The following CADM2 variants were observed in gnomAD, a reference collection of about 807,000 sequenced individuals.
CADM2 encodes cell adhesion molecule 2.
CADM2 carries 12 observed loss-of-function variants against 49.8 expected under a neutral mutation model. The observed-to-expected ratio is 0.24, with a 90% CI of 0.15 to 0.39. The LOEUF is 0.39. Among genes scored for constraint, CADM2 ranks in the 10% least tolerant of loss-of-function variants. The pLI is 1.00. For missense variants in CADM2, 378 were observed against 492.3 expected (o/e 0.77, Z 2.20); for synonymous variants, 214 against 175.4 (o/e 1.22, Z -1.74).
chr3:86,019,483 C>T (rs1213860061), intron 8 of CADM2, among the ~76,000 whole-genome samples: 1 of 150,830 alleles, frequency 6.6e-6, no homozygotes, highest in Non-Finnish European at 1.5e-5. Flanking sequence ...TGGCCATTTT[C>T]ACGATATTGA....
In CADM2 at chr3:85,907,915, A is replaced by G. The variant is rs180984903; in HGVS notation, c.530-4458A>G. Among the ~76,000 whole-genome samples, 6 of 152,002 alleles carry G rather than the reference A, an allele frequency of 3.9e-5. No homozygotes were observed. In the East Asian group the frequency reaches 7.8e-4, roughly 20 times the overall value. On this transcript the variant is annotated intron_variant, in intron 5 of 9. Coordinates refer to ENST00000383699, the MANE Select transcript of CADM2 (RefSeq NM_001167675.2). ...GACAGAATGAGACTCTGTCTCAAAA[A>G]AAAAAAAAAAGAAGATATCTTCTTT...
At chr3:85,111,233 T>C (rs192478212) in intron 1 of CADM2, among the ~76,000 whole-genome samples, 1 of 152,012 alleles carries the variant, frequency 6.6e-6, no homozygotes, top group East Asian at 1.9e-4. Context: ...TGAGAGAGAA[T>C]ATGATCCAAA....
rs1156719808 is a variant in CADM2 at position 86,068,530 on chromosome 3, G to A, written c.*1747G>A. The A allele has an allele frequency of 6.6e-6, 1 of 151,910 alleles. No homozygotes were observed. Among genetic ancestry groups the A allele is most frequent in the Non-Finnish European group, 1.5e-5 (1 of 67,848 alleles). 9.4% of individuals were successfully genotyped at this position (151,910 alleles called of 1,614,324 possible). ...AATATATTTTTGGGTAATAAGAATG[G>A]TTGAGTGCAACATCATGTATTAATA... On this transcript the variant is annotated 3_prime_UTR_variant, in exon 10 of 10. Transcript: ENST00000383699.
chr3:85,746,249 A>G (rs1199180801), intron 2 of CADM2, among the ~76,000 whole-genome samples: 1 of 152,162 alleles, frequency 6.6e-6, no homozygotes, highest in Non-Finnish European at 1.5e-5. Context: ...CATTGCAGCT[A>G]TGCAAGATTC....
chr3:85,836,829 G>A lies in CADM2; in HGVS notation c.238+34633G>A, dbSNP rs377735024. ...TATATATTTAAAGATTTTGATACGA[G>A]CAAAATGGCATCTATACAGCCATGT... On this transcript the variant is annotated intron_variant, in intron 3 of 9. Coordinates refer to ENST00000383699, the MANE Select transcript of CADM2 (RefSeq NM_001167675.2). 1.7e-4 allele frequency among the ~76,000 whole-genome samples: 26 copies of A among 151,616 alleles called. No homozygotes were observed. The South Asian group carries it at 5.0e-3, about 29-fold the overall frequency.
chr3:85,281,965 G>A (rs1469544253), intron 1 of CADM2, among the ~76,000 whole-genome samples: 1 of 152,056 alleles, frequency 6.6e-6, no homozygotes, highest in Non-Finnish European at 1.5e-5. Flanking sequence ...TATATTGAGA[G>A]TTCCATGAGG....
At chr3:85,408,009 C>CAAAA (rs2035473092) in intron 1 of CADM2, among the ~76,000 whole-genome samples, 1 of 5,358 alleles carries the variant, frequency 1.9e-4, no homozygotes, top group Non-Finnish European at 8.4e-4. Flanking sequence ...CAAAACAAAA[C>CAAAA]CAAAAAAAAA....
chr3:85,641,325 A>G (rs1198372689), intron 1 of CADM2, among the ~76,000 whole-genome samples: 1 of 152,166 alleles, frequency 6.6e-6, no homozygotes, highest in Non-Finnish European at 1.5e-5. Context: ...GTTCTACCCT[A>G]TACTCTCATC....
intron 8 of CADM2, among the ~76,000 whole-genome samples, chr3:86,000,440 G>A (rs573824562): frequency 1.3e-3 from 192 of 152,252 alleles, no homozygotes; most frequent in African/African-American, 4.2e-3. Flanking sequence ...AAAGAATAAA[G>A]AGCAAGATGG....
chr3:85,680,234 T>C (rs2066001062), intron 1 of CADM2, among the ~76,000 whole-genome samples: 1 of 152,116 alleles, frequency 6.6e-6, no homozygotes, highest in African/African-American at 2.4e-5. Flanking sequence ...TTTTTCACAC[T>C]TCTAAGAAGT....
At chr3:85,763,969 C>G (rs1425571928) in intron 2 of CADM2, among the ~76,000 whole-genome samples, 1 of 152,028 alleles carries the variant, frequency 6.6e-6, no homozygotes, top group African/African-American at 2.4e-5. Context: ...ACTTTGTCTT[C>G]TTTCATTACA....
chr3:85,421,768 A>G (rs2107499139), intron 1 of CADM2, among the ~76,000 whole-genome samples: 1 of 152,330 alleles, frequency 6.6e-6, no homozygotes, highest in South Asian at 2.1e-4. Context: ...GTATAGGTTA[A>G]TTTGAATCGA....
chr3:85,645,577 G>A (rs1482436274), intron 1 of CADM2, among the ~76,000 whole-genome samples: 1 of 151,740 alleles, frequency 6.6e-6, no homozygotes, highest in Non-Finnish European at 1.5e-5. Flanking sequence ...ATAATTTTAA[G>A]GGTATATTTA....
Position 85,066,976 on chromosome 3 carries a change from C to T in CADM2, c.61+107308C>T, listed in dbSNP as rs78694298. ...GTGCTGGGGCAGGATATTTGGTTTT[C>T]GTTTCCACAGGGCTATATTTGTATC... On this transcript the variant is annotated intron_variant, in intron 1 of 9. Transcript: ENST00000383699. Among the ~76,000 whole-genome samples the T allele has an allele frequency of 6.6e-3, 1,007 of 152,078 alleles. 5 individuals are homozygous for T. Among genetic ancestry groups the T allele is most frequent in the Middle Eastern group, 0.041 (12 of 294 alleles).
chr3:85,648,251 G>T (rs2064947041), intron 1 of CADM2, among the ~76,000 whole-genome samples: 1 of 151,788 alleles, frequency 6.6e-6, no homozygotes, highest in Non-Finnish European at 1.5e-5. Flanking sequence ...CAGTACACAG[G>T]TTATGCTAGT....
chr3:85,884,748 C>T (rs1160209687), intron 4 of CADM2, among the ~76,000 whole-genome samples: 29 of 138,172 alleles, frequency 2.1e-4, no homozygotes, highest in Non-Finnish European at 2.9e-4. Flanking sequence ...TTTTTTAAAA[C>T]GGAGTCTCAC....
At chr3:85,694,108 A>C (rs73147218) in intron 1 of CADM2, among the ~76,000 whole-genome samples, 1 of 151,984 alleles carries the variant, frequency 6.6e-6, no homozygotes, top group East Asian at 1.9e-4. Flanking sequence ...ACTTCAGACC[A>C]AGGGACAGTT....
At chr3:85,200,199 C>A (rs912021230) in intron 1 of CADM2, among the ~76,000 whole-genome samples, 1 of 151,934 alleles carries the variant, frequency 6.6e-6, no homozygotes, top group African/African-American at 2.4e-5. Context: ...GTTAATATGA[C>A]CTTCCTTGCA....
intron 1 of CADM2, among the ~76,000 whole-genome samples, chr3:85,006,694 C>T (rs2107235282): frequency 6.6e-6 from 1 of 152,108 alleles, no homozygotes; most frequent in Non-Finnish European, 1.5e-5. Flanking sequence ...AATATGTACA[C>T]TTTGAAATAT....
Sources: gnomAD v4.1 joint callset for allele counts (sites outside exome capture counted in the v4.1 genomes callset) on GRCh38, gnomAD v4.1.1 for gene constraint, MANE v1.5 for transcripts, NCBI Gene and HGNC (gene_info 2026-07-23, HGNC 2026-07-21) for gene names.